Variants in SVIL observed in about 807,000 individuals in gnomAD.
SVIL encodes the protein supervillin, also known as archvillin.
A neutral mutation model predicts 240.4 loss-of-function variants in SVIL; 101 were observed. That is an observed-to-expected ratio of 0.42 (90% CI 0.36 to 0.50). The LOEUF is 0.50. Ranked by LOEUF, SVIL falls within the 20% of genes least tolerant of loss-of-function variation. The pLI is 0.01. For synonymous variants in SVIL, 999 were observed against 1,100.0 expected (o/e 0.91, Z 1.82); for missense variants, 2,512 against 2,818.7 (o/e 0.89, Z 2.46).
intron 6 of SVIL, among the ~76,000 whole-genome samples, chr10:29,546,206 T>G (rs1468280227): frequency 1.3e-5 from 2 of 152,172 alleles, no homozygotes; most frequent in Admixed American, 1.3e-4. Flanking sequence ...AAACTCACAG[T>G]GGTGGAATTA....
At chr10:29,704,045 C>G (rs1404406484) in intron 1 of SVIL, among the ~76,000 whole-genome samples, 1 of 152,284 alleles carries the variant, frequency 6.6e-6, no homozygotes, top group East Asian at 1.9e-4. Context: ...TCAAATAATT[C>G]TCCCGCCTCG....
At chr10:29,623,028 G>A (rs1957724673) in intron 1 of SVIL, among the ~76,000 whole-genome samples, 2 of 152,208 alleles carry the variant, frequency 1.3e-5, no homozygotes, top group South Asian at 2.1e-4. Context: ...GTGTGTGTGT[G>A]TGCATGCTTG....
chr10:29,487,082 T>C, intron 24 of SVIL, 81 bp downstream of exon 24: 2 of 1,524,590 alleles, frequency 1.3e-6, no homozygotes, highest in Admixed American at 2.0e-5. Flanking sequence ...TGAGAAGCTT[T>C]GTGACTGACG....
At chr10:29,667,612 G>A (rs1381764600) in intron 2 of SVIL, among the ~76,000 whole-genome samples, 1 of 152,138 alleles carries the variant, frequency 6.6e-6, no homozygotes, top group African/African-American at 2.4e-5. Flanking sequence ...AACACTTTGG[G>A]AGGTTGAGAG....
At chr10:29,621,100 C>T (rs1786187984) in intron 1 of SVIL, among the ~76,000 whole-genome samples, 1 of 152,078 alleles carries the variant, frequency 6.6e-6, no homozygotes, top group South Asian at 2.1e-4. Context: ...CCCACCCATC[C>T]TTGCCTTTGT....
chr10:29,612,160 G>A (rs746245620), intron 1 of SVIL, among the ~76,000 whole-genome samples: 4 of 152,232 alleles, frequency 2.6e-5, no homozygotes, highest in Non-Finnish European at 5.9e-5. Context: ...TCCACCCCAG[G>A]GTAGCATGTG....
chr10:29,490,721 T>G (rs1588956991), intron 22 of SVIL, 126 bp downstream of exon 22: 1 of 1,189,418 alleles, frequency 8.4e-7, no homozygotes, highest in South Asian at 1.5e-5. Context: ...CTTACTCCTT[T>G]TTACTTCATG....
In SVIL at chr10:29,467,840, T is replaced by G. The variant is rs1392414405; in HGVS notation, c.5879A>C (p.Lys1960Thr). Residue 1960 changes from lysine (K) to threonine (T), a missense_variant, in exon 33 of 38, where the codon AAA becomes ACA. Lys to Thr is a moderately conservative substitution (Grantham distance 78). Around this residue, in one of 3 missense-constraint regions of SVIL, gnomAD observed 797 missense variants for 925.3 expected, o/e 0.86. Transcript: ENST00000355867. ...TTCATCACACTCGTGTATTGTGACTTTGCTGCTACTATGCAGTCCTGCTTC... is the reference window on the plus strand; with the variant it reads ...TTCATCACACTCGTGTATTGTGACTGTGCTGCTACTATGCAGTCCTGCTTC... ...PLEAGLHSSS[K>T]VTIHECDEGS... 4 of 1,614,184 alleles carry G rather than the reference T, an allele frequency of 2.5e-6. No homozygotes were observed. The highest frequency in any genetic ancestry group is 3.4e-6 in the Non-Finnish European group (4 of 1,180,014).
chr10:29,619,581 C>T (rs1184874041), intron 1 of SVIL, among the ~76,000 whole-genome samples: 2 of 152,146 alleles, frequency 1.3e-5, no homozygotes, highest in East Asian at 1.9e-4. Flanking sequence ...TTCCAGGAGT[C>T]GGCCATGAAT....
At chr10:29,676,469 A>G (rs1178230269) in intron 2 of SVIL, among the ~76,000 whole-genome samples, 1 of 152,254 alleles carries the variant, frequency 6.6e-6, no homozygotes, top group East Asian at 1.9e-4. Flanking sequence ...AATGCTAACC[A>G]GCTTACCCCC....
intron 1 of SVIL, among the ~76,000 whole-genome samples, chr10:29,582,429 T>G (rs377005059): frequency 3.9e-4 from 60 of 152,144 alleles, no homozygotes; most frequent in African/African-American, 1.0e-3. Flanking sequence ...AACAATGATG[T>G]GACGAATAAA....
At chr10:29,519,544 G>C (rs1479347414) in intron 16 of SVIL, among the ~76,000 whole-genome samples, 1 of 152,132 alleles carries the variant, frequency 6.6e-6, no homozygotes, top group Non-Finnish European at 1.5e-5. Context: ...AAAAGGGAGG[G>C]ATTAAAGTCT....
chr10:29,666,382 C>A (rs1223357823), intron 2 of SVIL, among the ~76,000 whole-genome samples: 1 of 152,210 alleles, frequency 6.6e-6, no homozygotes, highest in Admixed American at 6.5e-5. Flanking sequence ...CATCTGACTT[C>A]TCTGCCTGGG....
intron 30 of SVIL, among the ~76,000 whole-genome samples, chr10:29,472,716 C>T (rs532481316): frequency 1.7e-3 from 254 of 151,882 alleles, no homozygotes; most frequent in African/African-American, 6.0e-3. Flanking sequence ...AGGCCAGTAG[C>T]TTTAGGTGGC....
intron 3 of SVIL, among the ~76,000 whole-genome samples, chr10:29,645,151 A>G (rs1217681742): frequency 6.6e-6 from 1 of 152,228 alleles, no homozygotes; most frequent in Non-Finnish European, 1.5e-5. Flanking sequence ...GGGGACTGAA[A>G]ATCGCTGGTC....
In SVIL at chr10:29,490,571, A is replaced by AG. The variant is rs1491161751; in HGVS notation, c.4192+275_4192+276insC. Among the ~76,000 whole-genome samples the AG allele has an allele frequency of 1.9e-4, 26 of 139,240 alleles. No homozygotes were observed. In the South Asian group the frequency reaches 6.2e-3, roughly 33 times the overall value. The allele number at this position is 139,240 out of a possible 152,430, so 91.3% of individuals were successfully genotyped here. ...TGAGATGAGCCTGGGCAATATGATG[A>AG]AACCCCCAGTCTTTAAAAAAAAAAA... On this transcript the variant is annotated intron_variant, in intron 22 of 37. Transcript: ENST00000355867.
intron 1 of SVIL, among the ~76,000 whole-genome samples, chr10:29,604,115 T>C (rs532966298): frequency 5.3e-5 from 8 of 152,256 alleles, no homozygotes; most frequent in Admixed American, 5.2e-4. Flanking sequence ...CAATAAGATA[T>C]TTTGAGAGAA....
At chr10:29,488,308 G>A (rs376317892) in intron 23 of SVIL, among the ~76,000 whole-genome samples, 1 of 151,996 alleles carries the variant, frequency 6.6e-6, no homozygotes, top group African/African-American at 2.4e-5. Flanking sequence ...TAAAAGCTGG[G>A]ATTCTGGAGT....
At chr10:29,458,412 C>T (rs202178489) in intron 37 of SVIL, 22 bp downstream of exon 37, 38 of 1,596,938 alleles carry the variant, frequency 2.4e-5, no homozygotes, top group Non-Finnish European at 3.2e-5. Flanking sequence ...CCCATCCCCA[C>T]CCCACCGGAA....
Sources: allele counts gnomAD v4.1 joint callset (sites outside exome capture counted in the v4.1 genomes callset), GRCh38; gene constraint gnomAD v4.1.1; regional missense constraint gnomAD v4.1.1; transcripts MANE v1.5; gene names NCBI Gene and HGNC (gene_info 2026-07-23, HGNC 2026-07-21).